The following DNAH10 variants were observed in gnomAD, a reference collection of about 807,000 sequenced individuals.
The protein encoded by DNAH10 is axonemal beta dynein heavy chain 10.
DNAH10 carries 348 observed loss-of-function variants against 506.6 expected under a neutral mutation model. The observed-to-expected ratio is 0.69, with a 90% confidence interval of 0.63 to 0.75. DNAH10 has a LOEUF of 0.75. Among genes scored for constraint, DNAH10 ranks in the 30% least tolerant of loss-of-function variants. The pLI is 0.00. For synonymous variants in DNAH10, 2,059 were observed against 2,198.6 expected, an observed-to-expected ratio of 0.94 and a Z score of 1.78; for missense variants, 5,179 against 5,787.1, an observed-to-expected ratio of 0.89 and a Z score of 3.41.
At chr12:123,930,232 C>G in intron 72 of DNAH10, 170 bp from the exon 73 acceptor site, 1 of 608,240 alleles carries the variant, frequency 1.6e-6, no homozygotes, top group Non-Finnish European at 2.7e-6. Context: ...AGCCACAGAT[C>G]AATTGTGTGA....
In DNAH10 at chr12:123,769,168, C is replaced by T. The variant is rs187723528; in HGVS notation, c.298+1479C>T. Among the ~76,000 whole-genome samples, 32 of 152,110 alleles carry T rather than the reference C, an allele frequency of 2.1e-4. 1 individual carries two copies. The South Asian group carries it at 3.5e-3, about 17-fold the overall frequency. ...AGTGGGTTTTTGGTTTTTTTGGAGA[C>T]GAAGTGTTGCTCTGTCACCCAGGCT... On this transcript the variant is annotated intron_variant, in intron 2 of 78. Coordinates refer to ENST00000673944, the MANE Select transcript of DNAH10 (RefSeq NM_001372106.1).
At position 123,881,818 on chromosome 12, in the gene DNAH10, G is replaced by T. The variant is rs1952522904; in HGVS notation, c.8823+5G>T. The T allele has an allele frequency of 2.7e-6, 4 of 1,476,148 alleles. No homozygotes were observed. Among genetic ancestry groups the T allele is most frequent in the Non-Finnish European group, 3.6e-6 (4 of 1,112,418 alleles). 91.4% of individuals were successfully genotyped at this position (1,476,148 alleles called of 1,614,324 possible). ...GCCTTCACAGCCAGCTGTGAGGTCA[G>T]TCCACGTACCCTCCCAGAAATAGGT... On this transcript the variant is annotated splice_donor_5th_base_variant and intron_variant, in intron 51 of 78. Coordinates refer to ENST00000673944, the MANE Select transcript of DNAH10 (RefSeq NM_001372106.1).
intron 26 of DNAH10, 54 bp from the exon 27 acceptor site, chr12:123,833,060 G>A: frequency 7.0e-7 from 1 of 1,430,812 alleles, no homozygotes; most frequent in Non-Finnish European, 9.6e-7. Flanking sequence ...TTGGGTTGGG[G>A]CTCGGTCCTT....
At position 123,786,666 on chromosome 12, in the gene DNAH10, C is replaced by G. The variant is rs1957864511; in HGVS notation, c.1421+730C>G. ...ATGGAGATATATTTTGTTTCAGATA[C>G]ATATATGTGTGTGTGCACACACATA... is the stretch of plus-strand genomic sequence containing the variant. On this transcript the variant is annotated intron_variant, in intron 9 of 78. Coordinates refer to ENST00000673944, the MANE Select transcript of DNAH10 (RefSeq NM_001372106.1). Among the ~76,000 whole-genome samples, 8 of 11,410 alleles carry G rather than the reference C, an allele frequency of 7.0e-4. No homozygotes were observed. The South Asian group carries it at 0.062, about 89-fold the overall frequency. 7.5% of individuals were successfully genotyped at this position (11,410 alleles called of 152,430 possible).
chr12:123,830,078 G>T lies in DNAH10; in HGVS notation c.4392-468G>T, dbSNP rs148905670. ...GTTTGTTGTTTGTCTCCCCAAGTAA[G>T]TGGCAGGTTCTCTGAAGCTAGGAGC... On this transcript the variant is annotated intron_variant, in intron 25 of 78. Transcript: ENST00000673944. Among the ~76,000 whole-genome samples the T allele has an allele frequency of 6.6e-4, 100 of 152,320 alleles. 1 individual carries two copies. Among genetic ancestry groups the T allele is most frequent in the African/African-American group, 1.7e-3 (70 of 41,564 alleles).
chr12:123,805,638 A>G (rs1958638784), intron 18 of DNAH10, among the ~76,000 whole-genome samples: 1 of 151,902 alleles, frequency 6.6e-6, no homozygotes, highest in Non-Finnish European at 1.5e-5. Flanking sequence ...GAAATCCATC[A>G]CCGTTACCGT....
intron 10 of DNAH10, among the ~76,000 whole-genome samples, chr12:123,788,747 G>C (rs1338207368): frequency 6.6e-6 from 1 of 151,958 alleles, no homozygotes; most frequent in African/African-American, 2.4e-5. Flanking sequence ...GGGCAACATA[G>C]CAAGACCCTG....
At position 123,845,601 on chromosome 12, in the gene DNAH10, G is replaced by A. The variant is rs192953970; in HGVS notation, c.5362G>A (p.Val1788Ile). Reference protein sequence around the residue: ...IFRYCEDRSRVDWMLLYQGMV... With the variant: ...IFRYCEDRSRIDWMLLYQGMV... ...CTTACAGGTGTGCGTTTTCTGCAGA[G>A]TCGACTGGATGCTCCTGTACCAGGG... Residue 1788 changes from valine to isoleucine, a missense_variant and splice_region_variant, in exon 31 of 79, where the codon GTC (valine) becomes ATC (isoleucine). By Grantham distance (29) the Val-to-Ile change is conservative. Transcript: ENST00000673944. The A allele has an allele frequency of 1.0e-4, 162 of 1,612,470 alleles. No individual in the cohort carries two copies. Among genetic ancestry groups the A allele is most frequent in the Non-Finnish European group, 3.1e-5 (37 of 1,179,846 alleles).
chr12:123,803,706 T>A lies in DNAH10; in HGVS notation c.2660T>A (p.Phe887Tyr). 1 of 1,608,978 alleles carries A rather than the reference T, an allele frequency of 6.2e-7. No homozygotes were observed. The highest frequency in any genetic ancestry group is 8.5e-7 in the Non-Finnish European group (1 of 1,178,676). The stretch of plus-strand genomic sequence containing the variant: ...GGTTGCAAACAGGCCATTGGGAAAT[T>A]TGAGTCTCTCGTCCACCAGATTCAT... ...ITGCKQAIGK[F>Y]ESLVHQIHKN... The change falls in exon 17 of 79, where the codon TTT becomes TAT. Residue 887 changes from phenylalanine to tyrosine, a missense_variant. Physicochemically the swap from Phe to Tyr is conservative, Grantham distance 22 (BLOSUM62 3). Around this residue, in one of 3 missense-constraint regions of DNAH10, gnomAD observed 4,844 missense variants for 5,430.5 expected, o/e 0.89. Coordinates refer to ENST00000673944, the MANE Select transcript of DNAH10 (RefSeq NM_001372106.1).
chr12:123,876,973 A>G (rs1348813340), intron 47 of DNAH10, among the ~76,000 whole-genome samples: 1 of 152,244 alleles, frequency 6.6e-6, no homozygotes, highest in Non-Finnish European at 1.5e-5. Flanking sequence ...AAAAATTCAC[A>G]TAACACAAAA....
chr12:123,805,785 T>TC (rs1958648689), intron 18 of DNAH10, among the ~76,000 whole-genome samples: 1 of 151,050 alleles, frequency 6.6e-6, no homozygotes, highest in Admixed American at 6.6e-5. Flanking sequence ...TTTTTTTTTT[T>TC]TTTTTGTTTG....
At chr12:123,874,368 TC>T (rs1366506801) in intron 46 of DNAH10, among the ~76,000 whole-genome samples, 1 of 150,830 alleles carries the variant, frequency 6.6e-6, no homozygotes, top group Non-Finnish European at 1.5e-5. Flanking sequence ...TCTGTTTTTT[TC>T]ATCCACCCAT....
chr12:123,914,623 G>C (rs530150220), intron 61 of DNAH10, 73 bp downstream of exon 61: 3 of 1,503,538 alleles, frequency 2.0e-6, no homozygotes, highest in Non-Finnish European at 8.9e-7. Context: ...TGTCACCCTG[G>C]GGGGAGGCAA....
Position 123,924,272 on chromosome 12 carries a change from G to A in DNAH10, c.11612-6G>A. The A allele has an allele frequency of 6.2e-7, 1 of 1,606,062 alleles. No individual in the cohort carries two copies. Among genetic ancestry groups the A allele is most frequent in the South Asian group, 1.1e-5 (1 of 90,306 alleles). On this transcript the variant is annotated splice_polypyrimidine_tract_variant and splice_region_variant and intron_variant, in intron 66 of 78. Coordinates refer to ENST00000673944, the MANE Select transcript of DNAH10 (RefSeq NM_001372106.1). ...TGGCTGCTTGCTTCTCTTCTGTTGT[G>A]ATTAGGAAACATTTCCCTGGAGAAA...
intron 37 of DNAH10, 64 bp from the exon 38 acceptor site, chr12:123,859,086 C>T (rs950658963): frequency 4.0e-5 from 57 of 1,409,916 alleles, no homozygotes; most frequent in Non-Finnish European, 5.6e-5. Flanking sequence ...TGTGTTGTAT[C>T]GCAATAAAAC....
intron 57 of DNAH10, among the ~76,000 whole-genome samples, chr12:123,904,039 CT>C (rs1182634366): frequency 1.3e-5 from 2 of 152,246 alleles, no homozygotes; most frequent in African/African-American, 2.4e-5. Context: ...TCTGTGCTGC[CT>C]GTGAAGGCTG....
intron 24 of DNAH10, among the ~76,000 whole-genome samples, chr12:123,822,016 G>T (rs569670267): frequency 1.3e-5 from 2 of 152,302 alleles, no homozygotes; most frequent in African/African-American, 4.8e-5. Context: ...GACTAGCCTG[G>T]CCAACATGGC....
intron 61 of DNAH10, 56 bp downstream of exon 61, chr12:123,914,606 A>G: frequency 6.4e-7 from 1 of 1,550,666 alleles, no homozygotes; most frequent in Non-Finnish European, 8.7e-7. Flanking sequence ...CAGGGGGTCT[A>G]CGTGGGTGTC....
rs183498110 is a variant in DNAH10, at chr12:123,906,771, A to G, written c.9816-2490A>G. Among the ~76,000 whole-genome samples, 94 of 152,284 alleles carry G rather than the reference A, an allele frequency of 6.2e-4. 1 individual carries two copies. The highest frequency in any genetic ancestry group is 2.2e-3 in the African/African-American group (93 of 41,560). The stretch of plus-strand genomic sequence containing the variant: ...CTTTTCTCAGGTCATTTGGATGTTA[A>G]GCGCAATGAGCCGGCACTTACATCT... On this transcript the variant is annotated intron_variant, in intron 57 of 78. Coordinates refer to ENST00000673944, the MANE Select transcript of DNAH10 (RefSeq NM_001372106.1).
Sources: gnomAD v4.1 joint callset for allele counts (sites outside exome capture counted in the v4.1 genomes callset) on GRCh38, gnomAD v4.1.1 for gene constraint, gnomAD v4.1.1 regional missense constraint, MANE v1.5 for transcripts, NCBI Gene and HGNC (gene_info 2026-07-23, HGNC 2026-07-21) for gene names.